DCHS2: variants seen among roughly 807,000 people sequenced by gnomAD.
DCHS2 encodes protocadherin-23.
DCHS2 carries 142 observed loss-of-function variants against 182.4 expected under a neutral mutation model. That is an observed-to-expected ratio of 0.78 (90% CI 0.68 to 0.89). The LOEUF is 0.89. Ranked by LOEUF, DCHS2 falls within the 40% of genes least tolerant of loss-of-function variation. The pLI, the probability that DCHS2 is intolerant of heterozygous loss-of-function variation, is 0.00. For missense variants in DCHS2, 4,319 were observed against 4,198.6 expected, an observed-to-expected ratio of 1.03 and a Z score of -0.79; for synonymous variants, 1,740 against 1,663.3, an observed-to-expected ratio of 1.05 and a Z score of -1.12.
intron 10 of DCHS2, among the ~76,000 whole-genome samples, chr4:154,305,943 T>A (rs923359212): frequency 6.6e-6 from 1 of 152,182 alleles, no homozygotes; most frequent in African/African-American, 2.4e-5. Flanking sequence ...TCCTCTCAGT[T>A]ATTTTCCTAT....
chr4:154,483,804 C>T (rs1736013758), intron 1 of DCHS2, among the ~76,000 whole-genome samples: 1 of 152,168 alleles, frequency 6.6e-6, no homozygotes, highest in Non-Finnish European at 1.5e-5. Context: ...TGCCCCCCAA[C>T]ATCATATGAG....
chr4:154,453,289 A>G (rs1204499521), intron 1 of DCHS2, among the ~76,000 whole-genome samples: 1 of 148,096 alleles, frequency 6.8e-6, no homozygotes, highest in African/African-American at 2.5e-5. Context: ...AGGGGCAGAC[A>G]CAGGGGCCCT....
intron 1 of DCHS2, chr4:154,391,187 T>C (rs766779418): frequency 1.2e-5 from 20 of 1,612,882 alleles, no homozygotes; most frequent in Non-Finnish European, 1.7e-5. Context: ...CAATGGAATT[T>C]ATTTTCACAT....
chr4:154,424,105 C>A (rs1393980983), intron 1 of DCHS2, among the ~76,000 whole-genome samples: 2 of 152,098 alleles, frequency 1.3e-5, no homozygotes, highest in African/African-American at 4.8e-5. Flanking sequence ...TGCTTCCAGA[C>A]ATAACAAGGT....
intron 12 of DCHS2, 66 bp downstream of exon 12, chr4:154,304,603 T>C: frequency 6.7e-6 from 10 of 1,495,658 alleles, no homozygotes; most frequent in Non-Finnish European, 9.0e-6. Context: ...CACTCCAGCC[T>C]GGGTGACAGA....
At chr4:154,319,299 T>C (rs997084648) in intron 9 of DCHS2, among the ~76,000 whole-genome samples, 21 of 152,026 alleles carry the variant, frequency 1.4e-4, no homozygotes, top group Non-Finnish European at 2.2e-4. Flanking sequence ...AATTATTTCA[T>C]GGGTAGACAA....
At chr4:154,275,047 T>TTA (rs1228686053) in intron 13 of DCHS2, among the ~76,000 whole-genome samples, 2 of 151,660 alleles carry the variant, frequency 1.3e-5, no homozygotes, top group Non-Finnish European at 2.9e-5. Context: ...AATTGTTATT[T>TTA]TTTTTTTCTG....
intron 1 of DCHS2, among the ~76,000 whole-genome samples, chr4:154,456,614 A>G (rs1207992975): frequency 6.6e-6 from 1 of 152,204 alleles, no homozygotes; most frequent in Non-Finnish European, 1.5e-5. Context: ...AAGTGAGGGA[A>G]TTACAGGCAC....
intron 2 of DCHS2, among the ~76,000 whole-genome samples, chr4:154,372,706 C>T (rs946257440): frequency 7.9e-5 from 12 of 152,070 alleles, no homozygotes; most frequent in Non-Finnish European, 7.4e-5. Flanking sequence ...CACTTGATTG[C>T]CAATGTAATT....
chr4:154,277,630 CAAAA>C (rs35543228), intron 13 of DCHS2, among the ~76,000 whole-genome samples: 1 of 102,508 alleles, frequency 9.8e-6, no homozygotes, highest in Admixed American at 1.0e-4. Flanking sequence ...GAAATCACAC[CAAAA>C]AAAAAAAAAA....
At chr4:154,269,388 T>G (rs1560999467) in intron 14 of DCHS2, 1 of 152,746 alleles carries the variant, frequency 6.5e-6, no homozygotes, top group Non-Finnish European at 1.5e-5. Context: ...GGTATTCATT[T>G]TAAACAGTAA....
At position 154,491,165 on chromosome 4, in the gene DCHS2, G is replaced by A; in HGVS notation, c.191C>T (p.Ala64Val). 1 of 1,551,358 alleles carries A rather than the reference G, an allele frequency of 6.4e-7. No homozygotes were observed. The highest frequency in any genetic ancestry group is 8.7e-7 in the Non-Finnish European group (1 of 1,146,870). Reference sequence around the variant, plus strand: ...GGAAAGGGTGAGGTTGAACAACTGGGCAGAGGAGCCCGAGGCCGCCCACAG... The same window carrying A: ...GGAAAGGGTGAGGTTGAACAACTGGACAGAGGAGCCCGAGGCCGCCCACAG... ...VWLWAASGSS[A>V]QLFNLTLSVD... The change falls in exon 1 of 20, where the codon GCC becomes GTC. Residue 64 changes from alanine (A) to valine (V), a missense_variant. Coordinates refer to ENST00000357232, the MANE Select transcript of DCHS2 (RefSeq NM_001358235.2).
chr4:154,238,064 A>G (rs1032305831), intron 19 of DCHS2, among the ~76,000 whole-genome samples: 3 of 149,950 alleles, frequency 2.0e-5, no homozygotes, highest in Non-Finnish European at 3.0e-5. Flanking sequence ...TGCTCAGAAG[A>G]ACTGCCTTGC....
At chr4:154,442,544 C>A (rs1463567523) in intron 1 of DCHS2, among the ~76,000 whole-genome samples, 2 of 85,362 alleles carry the variant, frequency 2.3e-5, no homozygotes, top group African/African-American at 4.5e-5. Flanking sequence ...CCCCCCCCCA[C>A]ACACACACAC....
At chr4:154,431,311 G>A (rs1490137494) in intron 1 of DCHS2, among the ~76,000 whole-genome samples, 3 of 152,056 alleles carry the variant, frequency 2.0e-5, no homozygotes, top group African/African-American at 7.2e-5. Flanking sequence ...ATGACTTAAA[G>A]AAATCATAAA....
At chr4:154,418,675 T>C (rs1407118930) in intron 1 of DCHS2, among the ~76,000 whole-genome samples, 1 of 152,228 alleles carries the variant, frequency 6.6e-6, no homozygotes, top group Admixed American at 6.5e-5. Context: ...TACCCTGATA[T>C]AAATTTTTTA....
At chr4:154,427,209 C>T (rs1386539739) in intron 1 of DCHS2, among the ~76,000 whole-genome samples, 5 of 152,124 alleles carry the variant, frequency 3.3e-5, no homozygotes, top group African/African-American at 9.7e-5. Context: ...TTAAGTCTAG[C>T]CTAAAGCTGC....
rs1399378266 is a variant in DCHS2 at position 154,235,762 on chromosome 4, T to C, written c.8890A>G (p.Lys2964Glu). The C allele has an allele frequency of 6.2e-7, 1 of 1,613,950 alleles. No individual in the cohort carries two copies. The highest frequency in any genetic ancestry group is 2.2e-5 in the East Asian group (1 of 44,868). ...CAAGATGCAAACTTGGAATCTGATT[T>C]GGGACTATGAGCGATTATTTTCATT... ...LEMKIIAHSP[K>E]SDSKFASCTV... Residue 2964 changes from lysine to glutamate, a missense_variant, in exon 20 of 20, where the codon AAA becomes GAA. Physicochemically the swap from Lys to Glu is moderately conservative, Grantham distance 56. Transcript: ENST00000357232.
intron 4 of DCHS2, chr4:154,333,855 T>A (rs75770529): frequency 0.019 from 4,047 of 215,514 alleles, 163 homozygotes; most frequent in African/African-American, 0.085. Flanking sequence ...CTGACAAAAT[T>A]TTCTAATGAG....
Sources: gnomAD v4.1 joint callset for allele counts (sites outside exome capture counted in the v4.1 genomes callset) on GRCh38, gnomAD v4.1.1 for gene constraint, MANE v1.5 for transcripts, NCBI Gene and HGNC (gene_info 2026-07-23, HGNC 2026-07-21) for gene names.